The following MAD2L2 variants were observed in gnomAD, a reference collection of about 807,000 sequenced individuals.
MAD2L2 encodes the protein mitotic spindle assembly checkpoint protein MAD2B.
A neutral mutation model predicts 30.5 loss-of-function variants in MAD2L2; 17 were observed. The ratio of observed to expected loss-of-function variants is 0.56; its 90% CI spans 0.38 to 0.84. The LOEUF (loss-of-function observed/expected upper bound fraction) is 0.84. MAD2L2 is among the 40% of genes least tolerant of loss of function. The pLI is 0.00. For missense variants in MAD2L2, 213 were observed against 277.4 expected (o/e 0.77, Z 1.65); for synonymous variants, 101 against 113.9 (o/e 0.89, Z 0.72).
chr1:11,689,950 T>C (rs1641031795), intron 1 of MAD2L2, among the ~76,000 whole-genome samples: 1 of 151,838 alleles, frequency 6.6e-6, no homozygotes, highest in Non-Finnish European at 1.5e-5. Flanking sequence ...TCCAGGACCT[T>C]TGCAGTGGCT....
chr1:11,676,034 G>A lies in MAD2L2; in HGVS notation c.427+12C>T. On this transcript the variant is annotated intron_variant, in intron 6 of 8. Coordinates refer to ENST00000376692, the MANE Select transcript of MAD2L2 (RefSeq NM_006341.4). ...AAATGCCAAGGGAAGAGAGGGTGGG[G>A]AGTGGACACACCTGGGGGGTTGTGG... 6.2e-7 allele frequency: 1 copy of A among 1,607,846 alleles called. No homozygotes were observed. Among genetic ancestry groups the A allele is most frequent in the Non-Finnish European group, 8.5e-7 (1 of 1,174,584 alleles).
chr1:11,674,937 G>A lies in MAD2L2; in HGVS notation c.595-121C>T. The stretch of plus-strand genomic sequence containing the variant: ...GGTGGGGCCTCGTGGCCATAGCCAT[G>A]GTGGAGAAGAGTAGAGATGGGAGGA... On this transcript the variant is annotated intron_variant, in intron 8 of 8. Transcript: ENST00000376692. This position sits in a 1 kb window ranked among gnomAD's most constrained non-coding sequence, Gnocchi z 6.1. 7.4e-7 allele frequency: 1 copy of A among 1,357,146 alleles called. No individual in the cohort carries two copies. The highest frequency in any genetic ancestry group is 1.0e-6 in the Non-Finnish European group (1 of 958,014). The allele number at this position is 1,357,146 out of a possible 1,614,324, so 84.1% of individuals were successfully genotyped here.
At chr1:11,676,187 C>A in intron 5 of MAD2L2, 47 bp from the exon 6 acceptor site, 1 of 1,276,642 alleles carries the variant, frequency 7.8e-7, no homozygotes, top group South Asian at 1.4e-5. Flanking sequence ...CCCTCCCCTC[C>A]ACCACAGGCA....
rs143806889 is a variant in MAD2L2 at position 11,687,798 on chromosome 1, T to C, written c.-692+3615A>G. Among the ~76,000 whole-genome samples the C allele has an allele frequency of 1.3e-3, 192 of 152,352 alleles. 1 individual carries two copies. The highest frequency in any genetic ancestry group is 4.5e-3 in the African/African-American group (189 of 41,590). ...TCATCCAGGTCGAATCACATATTGATACTTCATTCCTTCGTAGAACCAAAA... is the reference window on the plus strand; with the variant it reads ...TCATCCAGGTCGAATCACATATTGACACTTCATTCCTTCGTAGAACCAAAA... On this transcript the variant is annotated intron_variant, in intron 1 of 10. Coordinates refer to the MAD2L2 transcript ENST00000235310. This position sits in a 1 kb window ranked among gnomAD's most constrained non-coding sequence, Gnocchi z 4.1.
rs1252990362 is a variant in MAD2L2, at chr1:11,688,117, C to T, written c.-692+3296G>A. ...CTCCTGGCTCATGAATACTGGCCCA[C>T]AGCTCTATCCTTGGCGACGCAAATC... is the stretch of plus-strand genomic sequence containing the variant. On this transcript the variant is annotated intron_variant, in intron 1 of 10. Coordinates refer to the MAD2L2 transcript ENST00000235310. The surrounding 1 kb of genome is among the most constrained non-coding windows in gnomAD (Gnocchi z 4.6). Among the ~76,000 whole-genome samples, 1 of 152,200 alleles carries T rather than the reference C, an allele frequency of 6.6e-6. No individual in the cohort carries two copies. The highest frequency in any genetic ancestry group is 1.9e-4 in the East Asian group (1 of 5,202).
At position 11,690,751 on chromosome 1, in the gene MAD2L2, T is replaced by A. The variant is rs187167566; in HGVS notation, c.-692+662A>T. 1.3e-5 allele frequency among the ~76,000 whole-genome samples: 2 copies of A among 151,780 alleles called. No individual in the cohort carries two copies. Among genetic ancestry groups the A allele is most frequent in the Non-Finnish European group, 2.9e-5 (2 of 67,912 alleles). ...GTGGCCCCACCGACCCCGTCGTGAG[T>A]TATGGGAGGCACGGGACCCATAACC... is the stretch of plus-strand genomic sequence containing the variant. On this transcript the variant is annotated intron_variant, in intron 1 of 10. Coordinates refer to the MAD2L2 transcript ENST00000235310. This position sits in a 1 kb window ranked among gnomAD's most constrained non-coding sequence, Gnocchi z 4.2.
At position 11,680,378 on chromosome 1, in the gene MAD2L2, C is replaced by T. The variant is rs772290930; in HGVS notation, c.134G>A (p.Arg45His). Residue 45 changes from arginine to histidine, a missense_variant, in exon 3 of 9, where the codon CGC becomes CAC. Transcript: ENST00000376692. ...CTGGACCGGCACGTTGTACTTCTTG[C>T]GTTTCTGGAAGATGCCCACGGGGTA... ...EVYPVGIFQK[R>H]KKYNVPVQMS... is the part of the protein sequence containing the mutation. 3 of 1,613,848 alleles carry T rather than the reference C, an allele frequency of 1.9e-6. No individual in the cohort carries two copies. Among genetic ancestry groups the T allele is most frequent in the Non-Finnish European group, 1.7e-6 (2 of 1,179,856 alleles).
chr1:11,691,289 C>T (rs1337805070), intron 1 of MAD2L2: 1 of 152,258 alleles, frequency 6.6e-6, no homozygotes, highest in African/African-American at 2.4e-5. Flanking sequence ...TGGGGTCCAC[C>T]GAGGACCGCC....
At chr1:11,683,745 G>A (rs1320214989), upstream of MAD2L2, among the ~76,000 whole-genome samples, 1 of 152,190 alleles carries the variant, frequency 6.6e-6, no homozygotes, top group Non-Finnish European at 1.5e-5. Context: ...GCTGAGGCTG[G>A]TGGATCACCT....
upstream of MAD2L2, chr1:11,681,307 C>A (rs1640876230): frequency 6.6e-6 from 1 of 152,262 alleles, no homozygotes; most frequent in South Asian, 2.1e-4. Context: ...GGGGCTGAGA[C>A]CCGCCGCGCC....
rs1220087698 is a variant in MAD2L2 at position 11,676,943 on chromosome 1, A to T, written c.237T>A (p.Asp79Glu). 5 of 1,613,310 alleles carry T rather than the reference A, an allele frequency of 3.1e-6. No homozygotes were observed. The highest frequency in any genetic ancestry group is 4.2e-6 in the Non-Finnish European group (5 of 1,179,356). Reference sequence around the variant, plus strand: ...AAATCACCACCACCACTTTCTCCACATCATTCTGCAAAGAGAGGAACCCCC... The same window carrying T: ...AAATCACCACCACCACTTTCTCCACTTCATTCTGCAAAGAGAGGAACCCCC... ...HCVKPLLEKN[D>E]VEKVVVVILD... The change falls in exon 5 of 9, where the codon GAT (aspartate) becomes GAA (glutamate). Residue 79 changes from aspartate (D) to glutamate (E), a missense_variant. Transcript: ENST00000376692.
Position 11,676,123 on chromosome 1 carries a change from G to A in MAD2L2, c.350C>T (p.Ser117Phe). 1 of 1,605,014 alleles carries A rather than the reference G, an allele frequency of 6.2e-7. No homozygotes were observed. The highest frequency in any genetic ancestry group is 1.7e-4 in the Middle Eastern group (1 of 5,746). Reference sequence around the variant, plus strand: ...GGCCCGGAGCAGCTGCTCCACATGAGACAACAGCGAGTCTGAGCTGGGAGT... The same window carrying A: ...GGCCCGGAGCAGCTGCTCCACATGAAACAACAGCGAGTCTGAGCTGGGAGT... ...LLSISSDSLL[S>F]HVEQLLRAFI... Residue 117 changes from serine (S) to phenylalanine (F), a missense_variant, in exon 6 of 9, where the codon TCT becomes TTT. By Grantham distance (155) the Ser-to-Phe change is radical. Transcript: ENST00000376692.
At chr1:11,679,996 T>TG (rs1202106291) in intron 3 of MAD2L2, among the ~76,000 whole-genome samples, 1,563 of 91,830 alleles carry the variant, frequency 0.017, 35 homozygotes, top group African/African-American at 0.052. Context: ...TTTTTTTTTT[T>TG]TTTTTTTTTT....
rs1046551322 is a variant in MAD2L2, at chr1:11,674,607, G to C, written c.*168C>G. On this transcript the variant is annotated 3_prime_UTR_variant, in exon 9 of 9. Coordinates refer to ENST00000376692, the MANE Select transcript of MAD2L2 (RefSeq NM_006341.4). The surrounding 1 kb of genome is among the most constrained non-coding windows in gnomAD (Gnocchi z 6.1). ...TTGCGGCATCCCTCACTGCCCTCCT[G>C]GGGGAGGCATCCTCCAAGCAGACCT... 5.4e-5 allele frequency: 35 copies of C among 653,936 alleles called. No individual in the cohort carries two copies. Among genetic ancestry groups the C allele is most frequent in the South Asian group, 3.9e-4 (21 of 54,482 alleles). The allele number at this position is 653,936 out of a possible 1,614,324, so 40.5% of individuals were successfully genotyped here.
rs1455799165 is a variant in MAD2L2, at chr1:11,674,507, T to C, written c.*268A>G. The stretch of plus-strand genomic sequence containing the variant: ...AGCCCAGCCCTTGGGGCCCCTTTAT[T>C]GAAACAACTCACAGCACAGTATTTG... On this transcript the variant is annotated 3_prime_UTR_variant, in exon 9 of 9. Transcript: ENST00000376692. This position sits in a 1 kb window ranked among gnomAD's most constrained non-coding sequence, Gnocchi z 6.1. 3 of 412,714 alleles carry C rather than the reference T, an allele frequency of 7.3e-6. No homozygotes were observed. Among genetic ancestry groups the C allele is most frequent in the Non-Finnish European group, 1.3e-5 (3 of 226,630 alleles). The allele number at this position is 412,714 out of a possible 1,614,324, so 25.6% of individuals were successfully genotyped here.
intron 4 of MAD2L2, 117 bp downstream of exon 4, chr1:11,677,426 G>A (rs756984926): frequency 1.0e-6 from 1 of 994,204 alleles, no homozygotes; most frequent in Non-Finnish European, 1.6e-6. Flanking sequence ...CTGGGTATTG[G>A]AGCCATGAAG....
chr1:11,677,767 G>A (rs1323689255), intron 3 of MAD2L2, among the ~76,000 whole-genome samples, 153 bp from the exon 4 acceptor site: 1 of 152,138 alleles, frequency 6.6e-6, no homozygotes, highest in African/African-American at 2.4e-5. Context: ...TCCCTCAAGA[G>A]GCTAAGAACT....
At chr1:11,689,820 G>A (rs977267332) in intron 1 of MAD2L2, among the ~76,000 whole-genome samples, 2 of 151,902 alleles carry the variant, frequency 1.3e-5, no homozygotes, top group Non-Finnish European at 2.9e-5. Flanking sequence ...CCTCTCCTGA[G>A]GTCTGGGTCA....
At position 11,687,830 on chromosome 1, in the gene MAD2L2, C is replaced by T. The variant is rs1194761218; in HGVS notation, c.-692+3583G>A. 1.3e-5 allele frequency among the ~76,000 whole-genome samples: 2 copies of T among 152,182 alleles called. No homozygotes were observed. Among genetic ancestry groups the T allele is most frequent in the Admixed American group, 6.5e-5 (1 of 15,272 alleles). ...TTCCTTCGTAGAACCAAAATACTCC[C>T]GTGTATGGATAGACCACATCTGCTT... On this transcript the variant is annotated intron_variant, in intron 1 of 10. Transcript: ENST00000235310. The surrounding 1 kb of genome is among the most constrained non-coding windows in gnomAD (Gnocchi z 4.1).
Sources: gnomAD v4.1 joint callset for allele counts (sites outside exome capture counted in the v4.1 genomes callset) on GRCh38, gnomAD v4.1.1 for gene constraint, Gnocchi (gnomAD v3.1) non-coding constraint, MANE v1.5 for transcripts, NCBI Gene and HGNC (gene_info 2026-07-23, HGNC 2026-07-21) for gene names.